Variants in PCDHGA3 observed in about 807,000 individuals in gnomAD.
PCDHGA3 encodes protocadherin gamma subfamily A, 3, also known as protocadherin gamma-A3.
In PCDHGA3, 40 loss-of-function variants were observed where a neutral mutation model predicts 58.5. That is an observed-to-expected ratio of 0.68 (90% confidence interval 0.53 to 0.89). PCDHGA3 has a LOEUF of 0.89. PCDHGA3 is among the 40% of genes least tolerant of loss of function. The probability of loss-of-function intolerance (pLI) is 0.00; values close to 1 mark genes in which losing one functional copy is unlikely to be tolerated. For synonymous variants in PCDHGA3, 530 were observed against 525.7 expected (o/e 1.01, Z -0.11); for missense variants, 1,223 against 1,195.9 (o/e 1.02, Z -0.33).
At chr5:141,364,917 T>A in intron 1 of PCDHGA3, 1 of 1,613,946 alleles carries the variant, frequency 6.2e-7, no homozygotes, top group Non-Finnish European at 8.5e-7. Context: ...GAGCTGGTGT[T>A]GGAACAGCCC....
At chr5:141,418,863 TAG>T (rs1165304037) in intron 1 of PCDHGA3, 1 of 1,613,990 alleles carries the variant, frequency 6.2e-7, no homozygotes, top group Non-Finnish European at 8.5e-7. Context: ...AAAGTAATTG[TAG>T]AAGTTGTAGA....
intron 1 of PCDHGA3, among the ~76,000 whole-genome samples, chr5:141,449,199 A>T (rs927587807): frequency 3.3e-5 from 5 of 152,190 alleles, no homozygotes; most frequent in Admixed American, 2.6e-4. Flanking sequence ...AGAAGTGTTA[A>T]TTCTAACTTT....
intron 1 of PCDHGA3, among the ~76,000 whole-genome samples, chr5:141,458,982 C>G (rs2098958289): frequency 6.6e-6 from 1 of 152,164 alleles, no homozygotes; most frequent in Admixed American, 6.5e-5. Flanking sequence ...GTCCTCCTGC[C>G]TCACCCTCCC....
chr5:141,354,985 C>A (rs949539037), intron 1 of PCDHGA3: 5 of 604,640 alleles, frequency 8.3e-6, no homozygotes, highest in Non-Finnish European at 1.3e-5. Flanking sequence ...TCGCTGTTCA[C>A]CAATCAGGGG....
rs1464961193 is a variant in PCDHGA3 at position 141,432,346 on chromosome 5, A to G, written c.2425-62461A>G. The G allele has an allele frequency of 6.2e-7, 1 of 1,614,192 alleles. No homozygotes were observed. Among genetic ancestry groups the G allele is most frequent in the African/African-American group, 1.3e-5 (1 of 75,054 alleles). On this transcript the variant is annotated intron_variant, in intron 1 of 3. Coordinates refer to ENST00000253812, the MANE Select transcript of PCDHGA3 (RefSeq NM_018916.4). This position sits in a 1 kb window ranked among gnomAD's most constrained non-coding sequence, Gnocchi z 6.0. ...ACTACGAGCAGTTCCGAGACTTGCA[A>G]GTGAAAGTGATGGCGCGGGACAACG...
At chr5:141,376,426 C>T in intron 1 of PCDHGA3, 1 of 1,614,230 alleles carries the variant, frequency 6.2e-7, no homozygotes, top group Non-Finnish European at 8.5e-7. Context: ...CGCTTATCAA[C>T]CAGGAGAGCT....
At chr5:141,395,197 T>A in intron 1 of PCDHGA3, 1 of 1,614,012 alleles carries the variant, frequency 6.2e-7, no homozygotes, top group Non-Finnish European at 8.5e-7. Context: ...TTAACATCCG[T>A]AGATTTTCAT....
intron 1 of PCDHGA3, chr5:141,409,179 G>T (rs761754962): frequency 1.2e-5 from 20 of 1,613,988 alleles, no homozygotes; most frequent in Non-Finnish European, 1.6e-5. Context: ...GACGGAGGTG[G>T]TCTCTCTACC....
At chr5:141,371,647 A>G (rs759543088) in intron 1 of PCDHGA3, 2 of 1,614,044 alleles carry the variant, frequency 1.2e-6, no homozygotes, top group South Asian at 1.1e-5. Flanking sequence ...ATCCCAGAAT[A>G]CAATGTGACG....
chr5:141,371,555 A>C, intron 1 of PCDHGA3: 1 of 1,613,862 alleles, frequency 6.2e-7, no homozygotes, highest in Non-Finnish European at 8.5e-7. Context: ...GCCAACTAAA[A>C]GGAAACTTCC....
chr5:141,359,857 AAAAAG>A (rs1258075197), intron 1 of PCDHGA3, among the ~76,000 whole-genome samples: 2 of 152,330 alleles, frequency 1.3e-5, no homozygotes, highest in African/African-American at 4.8e-5. Context: ...TTATAAATTA[AAAAAG>A]AAAAGAAAAG....
chr5:141,491,508 G>T lies in PCDHGA3; in HGVS notation c.2425-3299G>T. 1 of 1,614,030 alleles carries T rather than the reference G, an allele frequency of 6.2e-7. No homozygotes were observed. Among genetic ancestry groups the T allele is most frequent in the Non-Finnish European group, 8.5e-7 (1 of 1,180,014 alleles). ...ACCTGCAGGTGAGCTCGGACGGCACGCTCAAGTACATGGAGGTGACGCTGC... is the reference window on the plus strand; with the variant it reads ...ACCTGCAGGTGAGCTCGGACGGCACTCTCAAGTACATGGAGGTGACGCTGC... On this transcript the variant is annotated intron_variant, in intron 1 of 3. Transcript: ENST00000253812. The surrounding 1 kb of genome is among the most constrained non-coding windows in gnomAD (Gnocchi z 6.9).
intron 1 of PCDHGA3, among the ~76,000 whole-genome samples, chr5:141,436,557 A>G (rs1224841336): frequency 6.6e-6 from 1 of 152,218 alleles, no homozygotes; most frequent in Non-Finnish European, 1.5e-5. Flanking sequence ...GAGCTTCAGC[A>G]AAGTAGGAAT....
intron 1 of PCDHGA3, among the ~76,000 whole-genome samples, chr5:141,353,499 C>T (rs1312979399): frequency 6.6e-6 from 1 of 152,158 alleles, no homozygotes; most frequent in Non-Finnish European, 1.5e-5. Context: ...TGTCTCATCA[C>T]AAGTAGCAAA....
chr5:141,470,369 T>C (rs751264270), intron 1 of PCDHGA3, among the ~76,000 whole-genome samples: 2 of 152,226 alleles, frequency 1.3e-5, no homozygotes, highest in Non-Finnish European at 1.5e-5. Context: ...TTAGGTTGAA[T>C]GGAAAGACTA....
intron 1 of PCDHGA3, among the ~76,000 whole-genome samples, chr5:141,434,245 T>G (rs921135977): frequency 3.3e-5 from 5 of 152,224 alleles, no homozygotes; most frequent in African/African-American, 1.2e-4. Context: ...CTAGATGACT[T>G]GGGCATTGTG....
chr5:141,454,998 G>C (rs909142112), intron 1 of PCDHGA3, among the ~76,000 whole-genome samples: 27 of 151,220 alleles, frequency 1.8e-4, no homozygotes, highest in African/African-American at 5.8e-4. Context: ...ATTTTTAGTA[G>C]AGACGGGGTT....
intron 1 of PCDHGA3, chr5:141,393,417 A>G (rs2092754726): frequency 6.2e-6 from 10 of 1,614,032 alleles, no homozygotes; most frequent in Non-Finnish European, 8.5e-6. Flanking sequence ...CGCCCTGGAC[A>G]GGGAGGAAGA....
In PCDHGA3 at chr5:141,509,341, G is replaced by C. The variant is rs552337350; in HGVS notation, c.2573-1606G>C. Among the ~76,000 whole-genome samples, 4 of 152,290 alleles carry C rather than the reference G, an allele frequency of 2.6e-5. No homozygotes were observed. The East Asian group carries it at 7.7e-4, about 29-fold the overall frequency. On this transcript the variant is annotated intron_variant, in intron 3 of 3. Transcript: ENST00000253812. ...GAAGCTCTACTGCCAGCTGGGCCTG[G>C]GCTGGCCTGGGCATCCCTGAGGTTT...
Sources: gnomAD v4.1 joint callset for allele counts (sites outside exome capture counted in the v4.1 genomes callset) on GRCh38, gnomAD v4.1.1 for gene constraint, Gnocchi (gnomAD v3.1) non-coding constraint, MANE v1.5 for transcripts, NCBI Gene and HGNC (gene_info 2026-07-23, HGNC 2026-07-21) for gene names.